ENAH: variants seen among roughly 807,000 people sequenced by gnomAD.
The protein encoded by ENAH is protein enabled homolog.
Under a neutral mutation model 78.7 loss-of-function variants are expected in ENAH, and 23 were observed. The ratio of observed to expected loss-of-function variants is 0.29; its 90% CI spans 0.21 to 0.41. The LOEUF is 0.41. Ranked by LOEUF, ENAH falls within the 10% of genes least tolerant of loss-of-function variation. The probability of loss-of-function intolerance (pLI) is 1.00; values close to 1 mark genes in which losing one functional copy is unlikely to be tolerated. For synonymous variants in ENAH, 226 were observed against 241.0 expected, an observed-to-expected ratio of 0.94 and a Z score of 0.58; for missense variants, 544 against 691.0, an observed-to-expected ratio of 0.79 and a Z score of 2.39.
At chr1:225,553,005 G>C (rs2096648784) in intron 3 of ENAH, among the ~76,000 whole-genome samples, 1 of 152,098 alleles carries the variant, frequency 6.6e-6, no homozygotes. Flanking sequence ...AGGCCGAGGT[G>C]GGCAGATCAC....
intron 1 of ENAH, among the ~76,000 whole-genome samples, chr1:225,627,962 T>C (rs1658262934): frequency 6.6e-6 from 1 of 152,192 alleles, no homozygotes; most frequent in Non-Finnish European, 1.5e-5. Flanking sequence ...TTAAGGGGGC[T>C]GAAAAGCAGA....
rs775581060 is a variant in ENAH at position 225,567,279 on chromosome 1, T to C, written c.141A>G (p.Arg47=). The C allele has an allele frequency of 2.5e-6, 4 of 1,614,040 alleles. No individual in the cohort carries two copies. The Admixed American group carries it at 6.7e-5, about 27-fold the overall frequency. ...GGTCCTGAATCTTCCTGCCCACCAC[T>C]CTGAATGTGTTGTTGCCTGTATGGT... ...IYHHTGNNTF[R]VVGRKIQDHQ... The change falls in exon 2 of 14, where the codon AGA becomes AGG. Residue 47 remains arginine (R), a synonymous_variant. Coordinates refer to ENST00000366843, the MANE Select transcript of ENAH (RefSeq NM_018212.6).
At chr1:225,640,061 G>A (rs916485270) in intron 1 of ENAH, among the ~76,000 whole-genome samples, 1 of 152,092 alleles carries the variant, frequency 6.6e-6, no homozygotes, top group African/African-American at 2.4e-5. Context: ...ATTACCAGGA[G>A]GTCAAAAGAA....
At chr1:225,612,723 A>G (rs971869695) in intron 1 of ENAH, among the ~76,000 whole-genome samples, 6 of 152,236 alleles carry the variant, frequency 3.9e-5, no homozygotes, top group Admixed American at 3.3e-4. Context: ...TATTCTGGCA[A>G]TAAATACTAA....
At chr1:225,619,092 T>TACACAC (rs373789317) in intron 1 of ENAH, among the ~76,000 whole-genome samples, 1 of 150,130 alleles carries the variant, frequency 6.7e-6, no homozygotes, top group Admixed American at 6.6e-5. Flanking sequence ...TACAACCCAG[T>TACACAC]ACACACACAC....
chr1:225,541,251 G>A (rs1035222110), intron 3 of ENAH, among the ~76,000 whole-genome samples: 8 of 151,250 alleles, frequency 5.3e-5, no homozygotes, highest in Non-Finnish European at 7.4e-5. Context: ...TGGCTAACAC[G>A]GTGAAACTCC....
At chr1:225,532,250 G>C (rs376552190) in intron 3 of ENAH, among the ~76,000 whole-genome samples, 14 of 152,042 alleles carry the variant, frequency 9.2e-5, no homozygotes, top group African/African-American at 2.7e-4. Context: ...GGGGAGGGGC[G>C]GGTAAATCTG....
chr1:225,592,577 T>A (rs2096882207), intron 1 of ENAH, among the ~76,000 whole-genome samples: 1 of 152,230 alleles, frequency 6.6e-6, no homozygotes, highest in Non-Finnish European at 1.5e-5. Context: ...ATATGTGACT[T>A]AAGGTTTATG....
chr1:225,652,156 C>T (rs1377380340), intron 1 of ENAH, among the ~76,000 whole-genome samples: 1 of 151,962 alleles, frequency 6.6e-6, no homozygotes, highest in African/African-American at 2.4e-5. Context: ...CCCCCACCAT[C>T]GTGAAATTTC....
At chr1:225,596,843 A>C (rs958795734) in intron 1 of ENAH, among the ~76,000 whole-genome samples, 2 of 152,232 alleles carry the variant, frequency 1.3e-5, no homozygotes, top group African/African-American at 4.8e-5. Flanking sequence ...TGGACAGTCT[A>C]CTACTTACAC....
At chr1:225,637,234 G>T (rs1660223611) in intron 1 of ENAH, among the ~76,000 whole-genome samples, 1 of 152,124 alleles carries the variant, frequency 6.6e-6, no homozygotes, top group African/African-American at 2.4e-5. Context: ...GTGAGACAGG[G>T]TCTCACTCTG....
chr1:225,590,907 T>C (rs145371259), intron 1 of ENAH, among the ~76,000 whole-genome samples: 4 of 152,358 alleles, frequency 2.6e-5, no homozygotes, highest in Middle Eastern at 3.4e-3. Flanking sequence ...CTAGAAAATA[T>C]AATATCCTAC....
intron 1 of ENAH, among the ~76,000 whole-genome samples, chr1:225,612,803 T>C (rs2096998326): frequency 6.6e-6 from 1 of 150,738 alleles, no homozygotes; most frequent in Non-Finnish European, 1.5e-5. Context: ...AAAAAAGTTT[T>C]ATATCCAAAG....
intron 4 of ENAH, among the ~76,000 whole-genome samples, chr1:225,522,596 A>C (rs1329180871): frequency 6.6e-6 from 1 of 152,194 alleles, no homozygotes; most frequent in Non-Finnish European, 1.5e-5. Flanking sequence ...GATGTATTCA[A>C]AAGAATGTTT....
chr1:225,529,187 C>T (rs897640442), intron 4 of ENAH, among the ~76,000 whole-genome samples: 1 of 152,206 alleles, frequency 6.6e-6, no homozygotes, highest in African/African-American at 2.4e-5. Flanking sequence ...GTTCTCCTTT[C>T]TCTCAGAGTA....
intron 1 of ENAH, among the ~76,000 whole-genome samples, chr1:225,622,972 C>T (rs1657273733): frequency 1.3e-5 from 2 of 152,172 alleles, no homozygotes; most frequent in Admixed American, 6.5e-5. Context: ...TCCACTCCAG[C>T]ACCCCCACCA....
chr1:225,598,190 T>C (rs538533407), intron 1 of ENAH, among the ~76,000 whole-genome samples: 92 of 152,282 alleles, frequency 6.0e-4, no homozygotes, highest in Non-Finnish European at 1.2e-3. Context: ...ATTCCTATCC[T>C]TGCATACACA....
chr1:225,522,087 G>T (rs888884879), intron 4 of ENAH, among the ~76,000 whole-genome samples: 1 of 152,132 alleles, frequency 6.6e-6, no homozygotes, highest in African/African-American at 2.4e-5. Flanking sequence ...GAGCCACCGC[G>T]CCCGGCCCAA....
intron 2 of ENAH, among the ~76,000 whole-genome samples, chr1:225,564,226 C>T (rs1221055778): frequency 2.0e-5 from 3 of 152,010 alleles, no homozygotes; most frequent in Non-Finnish European, 4.4e-5. Flanking sequence ...GTGATTCTTC[C>T]ACCTCAGCCT....
Sources: gnomAD v4.1 joint callset for allele counts (sites outside exome capture counted in the v4.1 genomes callset) on GRCh38, gnomAD v4.1.1 for gene constraint, MANE v1.5 for transcripts, NCBI Gene and HGNC (gene_info 2026-07-23, HGNC 2026-07-21) for gene names.